The following CNTNAP2 variants were observed in gnomAD, a reference collection of about 807,000 sequenced individuals.
The protein encoded by CNTNAP2 is contactin-associated protein-like 2.
Under a neutral mutation model 155.2 loss-of-function variants are expected in CNTNAP2, and 98 were observed. The ratio of observed to expected loss-of-function variants is 0.63; its 90% CI spans 0.54 to 0.75. CNTNAP2 has a LOEUF of 0.75. Ranked by LOEUF, CNTNAP2 falls within the 30% of genes least tolerant of loss-of-function variation. CNTNAP2 has a pLI of 0.00. For missense variants in CNTNAP2, 1,727 were observed against 1,688.1 expected (o/e 1.02, Z -0.40); for synonymous variants, 651 against 631.2 (o/e 1.03, Z -0.47).
At chr7:148,209,230 A>T (rs953098271) in intron 18 of CNTNAP2, among the ~76,000 whole-genome samples, 5 of 149,962 alleles carry the variant, frequency 3.3e-5, no homozygotes. Context: ...CACTCAAATG[A>T]TCCTCCCGCC....
At chr7:147,265,858 C>T (rs77754302) in intron 8 of CNTNAP2, among the ~76,000 whole-genome samples, 9,357 of 152,048 alleles carry the variant, frequency 0.062, 344 homozygotes, top group Non-Finnish European at 0.072. Flanking sequence ...TGGGAGGGAC[C>T]CAGGTGAATA....
intron 9 of CNTNAP2, among the ~76,000 whole-genome samples, chr7:147,383,540 C>A (rs888340485): frequency 6.6e-6 from 1 of 151,978 alleles, no homozygotes; most frequent in African/African-American, 2.4e-5. Context: ...AAACACCACA[C>A]GTTCTCACTC....
chr7:148,167,624 C>T (rs1805694280), intron 17 of CNTNAP2, among the ~76,000 whole-genome samples: 1 of 152,076 alleles, frequency 6.6e-6, no homozygotes, highest in Admixed American at 6.5e-5. Flanking sequence ...AGCCTGTGAA[C>T]CGTGAGCCAG....
chr7:147,724,809 A>G (rs1796618842), intron 13 of CNTNAP2, among the ~76,000 whole-genome samples: 1 of 151,988 alleles, frequency 6.6e-6, no homozygotes, highest in African/African-American at 2.4e-5. Context: ...CAGGAAGCAA[A>G]GTGGAATAAA....
rs540957192 is a variant in CNTNAP2, at chr7:147,793,285, ACCTATGTT to A, written c.2099-110279_2099-110272del. On this transcript the variant is annotated intron_variant, in intron 13 of 23. Coordinates refer to ENST00000361727, the MANE Select transcript of CNTNAP2 (RefSeq NM_014141.6). ...ATTCAAAGACATGAAGACTTACTAC[ACCTATGTT>A]TTCATCTAAGAATTTAATAGTTTTA... 2.4e-3 allele frequency among the ~76,000 whole-genome samples: 371 copies of A among 152,154 alleles called. 1 individual carries two copies. The highest frequency in any genetic ancestry group is 8.4e-3 in the African/African-American group (350 of 41,546).
chr7:146,415,263 A>G (rs1405170), intron 1 of CNTNAP2, among the ~76,000 whole-genome samples: 5,425 of 152,126 alleles, frequency 0.036, 344 homozygotes, highest in African/African-American at 0.12. Context: ...CACAATGATC[A>G]CCTTCCTGGA....
At chr7:147,537,104 C>T (rs573206430) in intron 11 of CNTNAP2, among the ~76,000 whole-genome samples, 6 of 152,292 alleles carry the variant, frequency 3.9e-5, no homozygotes, top group African/African-American at 1.2e-4. Context: ...CACTTTAGCA[C>T]GTTACAGATT....
At chr7:148,372,217 A>T (rs1172243959) in intron 21 of CNTNAP2, among the ~76,000 whole-genome samples, 1 of 151,944 alleles carries the variant, frequency 6.6e-6, no homozygotes, top group African/African-American at 2.4e-5. Context: ...AATAAATAAA[A>T]AATAAAAGTA....
chr7:147,176,629 C>T lies in CNTNAP2; in HGVS notation c.1348+44120C>T, dbSNP rs571015389. ...TATGTATAATATACTTACATACACACGTATAATATAATATTTATAATATAA... is the reference window on the plus strand; with the variant it reads ...TATGTATAATATACTTACATACACATGTATAATATAATATTTATAATATAA... On this transcript the variant is annotated intron_variant, in intron 8 of 23. Transcript: ENST00000361727. Among the ~76,000 whole-genome samples the T allele has an allele frequency of 2.1e-4, 29 of 135,686 alleles. No homozygotes were observed. In the South Asian group the frequency reaches 2.6e-3, roughly 12 times the overall value. The allele number at this position is 135,686 out of a possible 152,430, so 89.0% of individuals were successfully genotyped here.
intron 15 of CNTNAP2, among the ~76,000 whole-genome samples, chr7:148,116,361 C>T (rs965986603): frequency 3.3e-5 from 5 of 152,078 alleles, no homozygotes; most frequent in African/African-American, 9.7e-5. Flanking sequence ...AATACTGAAA[C>T]GAAACTAAGC....
intron 2 of CNTNAP2, among the ~76,000 whole-genome samples, chr7:146,807,251 CTG>C (rs1484644485): frequency 6.6e-6 from 1 of 152,068 alleles, no homozygotes; most frequent in Non-Finnish European, 1.5e-5. Flanking sequence ...TACAGTTTAA[CTG>C]TATATTCTCA....
chr7:146,926,224 A>T (rs188825618), intron 3 of CNTNAP2, among the ~76,000 whole-genome samples: 1 of 152,002 alleles, frequency 6.6e-6, no homozygotes, highest in Non-Finnish European at 1.5e-5. Context: ...TTCAAATTGT[A>T]TATTAAAACC....
rs531278590 is a variant in CNTNAP2 at position 147,318,175 on chromosome 7, C to T, written c.1498+17885C>T. ...ATGTAAAGTTCGCTGGGCGTTGTGGCTCACACCTATAATCCCAGCACTTTG... is the reference window on the plus strand; with the variant it reads ...ATGTAAAGTTCGCTGGGCGTTGTGGTTCACACCTATAATCCCAGCACTTTG... On this transcript the variant is annotated intron_variant, in intron 9 of 23. Transcript: ENST00000361727. 1.0e-3 allele frequency among the ~76,000 whole-genome samples: 152 copies of T among 152,256 alleles called. 1 individual carries two copies. The highest frequency in any genetic ancestry group is 2.7e-3 in the Admixed American group (42 of 15,282).
intron 10 of CNTNAP2, among the ~76,000 whole-genome samples, chr7:147,402,964 A>AC (rs1796943166): frequency 1.4e-5 from 2 of 147,674 alleles, no homozygotes; most frequent in South Asian, 2.1e-4. Flanking sequence ...AAAAAAAAAA[A>AC]AAAAAAACTA....
intron 7 of CNTNAP2, among the ~76,000 whole-genome samples, chr7:147,131,721 G>A (rs995161975): frequency 6.6e-6 from 1 of 151,690 alleles, no homozygotes; most frequent in Admixed American, 6.6e-5. Flanking sequence ...GCATATACAA[G>A]GTATATAGAT....
At chr7:146,159,225 G>C (rs555287409) in intron 1 of CNTNAP2, among the ~76,000 whole-genome samples, 1 of 152,236 alleles carries the variant, frequency 6.6e-6, no homozygotes, top group Non-Finnish European at 1.5e-5. Flanking sequence ...TGCCTTACAA[G>C]AGCTCCTGAA....
At chr7:147,235,661 A>G (rs2036118) in intron 8 of CNTNAP2, among the ~76,000 whole-genome samples, 71,353 of 151,920 alleles carry the variant, frequency 0.47, 17,358 homozygotes, top group African/African-American at 0.54. Context: ...TGAAGCCCAC[A>G]TTGTTCCAGA....
intron 1 of CNTNAP2, among the ~76,000 whole-genome samples, chr7:146,665,654 G>A (rs1161094642): frequency 1.3e-5 from 2 of 151,446 alleles, no homozygotes; most frequent in African/African-American, 4.9e-5. Context: ...GGTGGCGCAT[G>A]CCTGTAGTCC....
chr7:146,476,855 C>G (rs911458374), intron 1 of CNTNAP2, among the ~76,000 whole-genome samples: 8 of 152,136 alleles, frequency 5.3e-5, no homozygotes, highest in South Asian at 2.1e-4. Context: ...ATAGGGAAAT[C>G]ATAGGCGCAC....
Sources: allele counts gnomAD v4.1 joint callset (sites outside exome capture counted in the v4.1 genomes callset), GRCh38; gene constraint gnomAD v4.1.1; transcripts MANE v1.5; gene names NCBI Gene and HGNC (gene_info 2026-07-23, HGNC 2026-07-21).